Variants in GSG1L observed in about 807,000 individuals in gnomAD.
GSG1L encodes the protein germ cell-specific gene 1-like protein.
GSG1L carries 24 observed loss-of-function variants against 42.1 expected under a neutral mutation model. That is an observed-to-expected ratio of 0.57 (90% CI 0.41 to 0.80). The LOEUF (loss-of-function observed/expected upper bound fraction) is 0.80. GSG1L is among the 30% of genes least tolerant of loss of function. The pLI, the probability that GSG1L is intolerant of heterozygous loss-of-function variation, is 0.00. For missense variants in GSG1L, 445 were observed against 472.2 expected (o/e 0.94, Z 0.53); for synonymous variants, 215 against 203.5 (o/e 1.06, Z -0.48).
chr16:27,811,501 C>T (rs2083030532), intron 5 of GSG1L, among the ~76,000 whole-genome samples: 1 of 152,194 alleles, frequency 6.6e-6, no homozygotes, highest in Admixed American at 6.5e-5. Flanking sequence ...TCCCGGAACA[C>T]CACCTCCCTG....
At chr16:27,813,698 C>A (rs1018030552) in intron 5 of GSG1L, among the ~76,000 whole-genome samples, 1 of 152,218 alleles carries the variant, frequency 6.6e-6, no homozygotes, top group African/African-American at 2.4e-5. Context: ...GGGTCTTGGC[C>A]GCCCTCTGGG....
chr16:28,045,947 G>T (rs1286748359), intron 1 of GSG1L, among the ~76,000 whole-genome samples: 1 of 152,066 alleles, frequency 6.6e-6, no homozygotes, highest in Non-Finnish European at 1.5e-5. Context: ...AGTGAGCTGA[G>T]ATCACACCAT....
chr16:27,949,741 C>G (rs7189451), intron 2 of GSG1L, among the ~76,000 whole-genome samples: 6 of 151,876 alleles, frequency 4.0e-5, no homozygotes, highest in Non-Finnish European at 8.8e-5. Flanking sequence ...CTGGCTAACA[C>G]GATGAAACCC....
At chr16:27,966,634 C>G (rs1194738929) in intron 1 of GSG1L, among the ~76,000 whole-genome samples, 1 of 152,148 alleles carries the variant, frequency 6.6e-6, no homozygotes, top group East Asian at 1.9e-4. Flanking sequence ...TCAGTCTTTC[C>G]TCCCAGGCCT....
At chr16:27,812,288 T>C (rs11074880) in intron 5 of GSG1L, among the ~76,000 whole-genome samples, 1 of 151,860 alleles carries the variant, frequency 6.6e-6, no homozygotes, top group Non-Finnish European at 1.5e-5. Flanking sequence ...CAAATAACAG[T>C]GGCTTCATGT....
chr16:27,930,310 TG>T (rs2084641342), intron 2 of GSG1L, among the ~76,000 whole-genome samples: 1 of 152,190 alleles, frequency 6.6e-6, no homozygotes, highest in Non-Finnish European at 1.5e-5. Context: ...CCTCACCTCC[TG>T]GGGGTCTTCA....
chr16:27,821,893 G>C (rs2083154486), intron 5 of GSG1L, among the ~76,000 whole-genome samples: 1 of 145,864 alleles, frequency 6.9e-6, no homozygotes, highest in Non-Finnish European at 1.5e-5. Context: ...GACTGAGCGA[G>C]AGTGTCTCAA....
chr16:27,913,090 T>C (rs1196100962), intron 2 of GSG1L, among the ~76,000 whole-genome samples: 2 of 152,166 alleles, frequency 1.3e-5, no homozygotes, highest in African/African-American at 4.8e-5. Context: ...CCCAAAGTGC[T>C]GGGATTACAG....
At chr16:27,838,996 C>T (rs1465784798) in intron 4 of GSG1L, among the ~76,000 whole-genome samples, 1 of 152,232 alleles carries the variant, frequency 6.6e-6, no homozygotes, top group Non-Finnish European at 1.5e-5. Context: ...CTCCAGTTGT[C>T]TTTGGGGCCC....
At chr16:27,803,806 T>TAGATAG (rs1237970461) in intron 6 of GSG1L, among the ~76,000 whole-genome samples, 2 of 139,184 alleles carry the variant, frequency 1.4e-5, no homozygotes, top group African/African-American at 5.4e-5. Context: ...GATAGATAGA[T>TAGATAG]ATAGATATAG....
rs771581533 is a variant in GSG1L, at chr16:28,063,226, G to C, written c.199C>G (p.Pro67Ala). ...GTGGCGGCGGCGGCGGCGGCGGCGGGGGCGGCGGTGCCGTTGGCCGTGGCG... is the reference window on the plus strand; with the variant it reads ...GTGGCGGCGGCGGCGGCGGCGGCGGCGGCGGCGGTGCCGTTGGCCGTGGCG... ...ANATANGTAA[P>A]AAAAAAATAS... The change falls in exon 1 of 7, where the codon CCC (proline) becomes GCC (alanine). Residue 67 changes from proline to alanine, a missense_variant. Physicochemically the swap from Pro to Ala is conservative, Grantham distance 27. Around this residue, in one of 3 missense-constraint regions of GSG1L, gnomAD observed 156 missense variants for 128.3 expected, o/e 1.22. Transcript: ENST00000447459. The surrounding 1 kb of genome is among the most constrained non-coding windows in gnomAD (Gnocchi z 5.8). The C allele has an allele frequency of 2.4e-5, 30 of 1,253,102 alleles. No homozygotes were observed. Among genetic ancestry groups the C allele is most frequent in the Admixed American group, 4.3e-5 (1 of 23,168 alleles). 77.6% of individuals were successfully genotyped at this position (1,253,102 alleles called of 1,614,324 possible). A position where few individuals can be genotyped will look rare whatever the true frequency, so the allele number is the denominator to read the frequency against.
At chr16:27,990,539 G>A (rs894644680) in intron 1 of GSG1L, among the ~76,000 whole-genome samples, 1 of 152,114 alleles carries the variant, frequency 6.6e-6, no homozygotes, top group Non-Finnish European at 1.5e-5. Flanking sequence ...TGGAAAGACT[G>A]GCCTAGTTCC....
chr16:27,927,305 T>C (rs2084605476), intron 2 of GSG1L, among the ~76,000 whole-genome samples: 1 of 151,892 alleles, frequency 6.6e-6, no homozygotes, highest in Non-Finnish European at 1.5e-5. Context: ...ACGTGCCTAA[T>C]TTTTCAATTT....
At chr16:28,010,162 G>A (rs2085698402) in intron 1 of GSG1L, among the ~76,000 whole-genome samples, 1 of 152,154 alleles carries the variant, frequency 6.6e-6, no homozygotes, top group Non-Finnish European at 1.5e-5. Flanking sequence ...CAGATGCACC[G>A]TGTCACCTGC....
At chr16:27,999,443 T>A (rs1367717481) in intron 1 of GSG1L, among the ~76,000 whole-genome samples, 1 of 152,170 alleles carries the variant, frequency 6.6e-6, no homozygotes, top group Non-Finnish European at 1.5e-5. Context: ...CCAAATTCTT[T>A]CTATTTTACC....
At chr16:27,955,539 G>C (rs372453715) in intron 2 of GSG1L, among the ~76,000 whole-genome samples, 1 of 152,150 alleles carries the variant, frequency 6.6e-6, no homozygotes, top group African/African-American at 2.4e-5. Context: ...TGGAAGACAA[G>C]GGAGCAGCCA....
intron 4 of GSG1L, among the ~76,000 whole-genome samples, chr16:27,839,204 C>T (rs1313058363): frequency 6.6e-6 from 1 of 152,158 alleles, no homozygotes; most frequent in African/African-American, 2.4e-5. Context: ...AGGGACAGGG[C>T]CCCAGAAACA....
chr16:27,841,898 G>A (rs2384812), intron 4 of GSG1L, among the ~76,000 whole-genome samples: 40,452 of 151,792 alleles, frequency 0.27, 5,779 homozygotes, highest in South Asian at 0.33. Flanking sequence ...GAGAGCCAGG[G>A]CCTTCTGGAA....
intron 2 of GSG1L, among the ~76,000 whole-genome samples, chr16:27,909,137 T>C (rs946721970): frequency 5.3e-5 from 8 of 152,210 alleles, no homozygotes; most frequent in Admixed American, 3.9e-4. Flanking sequence ...AGGGGCTTCA[T>C]GTAGTGTCTG....
Sources: gnomAD v4.1 joint callset for allele counts (sites outside exome capture counted in the v4.1 genomes callset) on GRCh38, gnomAD v4.1.1 for gene constraint, gnomAD v4.1.1 regional missense constraint, Gnocchi (gnomAD v3.1) non-coding constraint, MANE v1.5 for transcripts, NCBI Gene and HGNC (gene_info 2026-07-23, HGNC 2026-07-21) for gene names.